The following HAVCR2 variants were observed in gnomAD, a reference collection of about 807,000 sequenced individuals.
HAVCR2 encodes the protein T cell immunoglobulin mucin 3.
In HAVCR2, 13 loss-of-function variants were observed where a neutral mutation model predicts 24.7. That is an observed-to-expected ratio of 0.53 (90% confidence interval 0.34 to 0.84). HAVCR2 has a LOEUF of 0.84. Ranked by LOEUF, HAVCR2 falls within the 40% of genes least tolerant of loss-of-function variation. HAVCR2 has a pLI of 0.01. For missense variants in HAVCR2, 343 were observed against 371.2 expected (o/e 0.92, Z 0.62); for synonymous variants, 154 against 143.4 (o/e 1.07, Z -0.53).
rs144440424 is a variant in HAVCR2 at position 157,102,982 on chromosome 5, T to A, written c.478+1684A>T. ...AAAACTAAAGGAAAGAAGACTTCTG[T>A]CTGTGGTAGAGACAAGTATAAGGAA... On this transcript the variant is annotated intron_variant, in intron 3 of 6. Coordinates refer to ENST00000307851, the MANE Select transcript of HAVCR2 (RefSeq NM_032782.5). Among the ~76,000 whole-genome samples the A allele has an allele frequency of 2.0e-5, 3 of 149,758 alleles. No individual in the cohort carries two copies. In the East Asian group the frequency reaches 5.9e-4, roughly 30 times the overall value.
Position 157,093,112 on chromosome 5 carries a change from C to CATATAT in HAVCR2, c.676+2188_676+2193dup, listed in dbSNP as rs138674966. ...ATATATATGTGTATACATATATATACATATATATATATTCATGTGATCAAT... is the reference window on the plus strand; with the variant it reads ...ATATATATGTGTATACATATATATACATATATATATATATATATTCATGTGATCAAT... On this transcript the variant is annotated intron_variant, in intron 5 of 6. Coordinates refer to ENST00000307851, the MANE Select transcript of HAVCR2 (RefSeq NM_032782.5). 4.8e-3 allele frequency among the ~76,000 whole-genome samples: 669 copies of CATATAT among 139,808 alleles called. 1 individual carries two copies. Among genetic ancestry groups the CATATAT allele is most frequent in the Non-Finnish European group, 7.3e-3 (490 of 67,206 alleles). The allele number at this position is 139,808 out of a possible 152,430, so 91.7% of individuals were successfully genotyped here. A position where few individuals can be genotyped will look rare whatever the true frequency, so the allele number is the denominator to read the frequency against.
In HAVCR2 at chr5:157,106,724, AT is replaced by A; in HGVS notation, c.296del (p.Asn99MetfsTer2). 1.2e-6 allele frequency: 2 copies of A among 1,614,212 alleles called. No homozygotes were observed. The highest frequency in any genetic ancestry group is 1.7e-6 in the Non-Finnish European group (2 of 1,180,044). On this transcript the variant is annotated frameshift_variant, in exon 2 of 7. Coordinates refer to ENST00000307851, the MANE Select transcript of HAVCR2 (RefSeq NM_032782.5). LOFTEE classifies it high-confidence loss of function. ...AGATCCCACTGTCTGCTAGAGTCAC[AT>A]TCTCTATGGTCAGGGACACATCTCC... is the stretch of plus-strand genomic sequence containing the variant. Reference protein sequence around the residue: ...RKGDVSLTIENVTLADSGIYC... With the variant: ...RKGDVSLTIEXVTLADSGIYC...
chr5:157,096,963 CATAT>C (rs770975000), intron 4 of HAVCR2, among the ~76,000 whole-genome samples: 45 of 111,596 alleles, frequency 4.0e-4, no homozygotes, highest in Admixed American at 2.5e-3. Context: ...CACACACACA[CATAT>C]AATTATAAGC....
chr5:157,088,665 G>A (rs1756950526), intron 6 of HAVCR2, among the ~76,000 whole-genome samples: 2 of 152,100 alleles, frequency 1.3e-5, no homozygotes, highest in African/African-American at 4.8e-5. Context: ...TCAGTTCAGT[G>A]GAAAAACCAT....
intron 1 of HAVCR2, among the ~76,000 whole-genome samples, chr5:157,107,509 T>G (rs1355140545): frequency 6.6e-6 from 1 of 152,240 alleles, no homozygotes; most frequent in Non-Finnish European, 1.5e-5. Flanking sequence ...CTTGTGTATT[T>G]GAAACTACTC....
At chr5:157,100,497 A>T (rs1223160970) in intron 3 of HAVCR2, among the ~76,000 whole-genome samples, 1 of 152,232 alleles carries the variant, frequency 6.6e-6, no homozygotes, top group Non-Finnish European at 1.5e-5. Context: ...GGGACAGAGC[A>T]GGAAACAAGA....
chr5:157,092,913 A>AAAAAAAAAAAAAAAAAAAAAAAAAAT (rs1561619880), intron 5 of HAVCR2, among the ~76,000 whole-genome samples: 2 of 123,028 alleles, frequency 1.6e-5, no homozygotes, highest in African/African-American at 6.2e-5. Flanking sequence ...AAAAAAAAAA[A>AAAAAAAAAAAAAAAAAAAAAAAAAAT]AAAAACTAGC....
intron 2 of HAVCR2, chr5:157,106,369 A>G (rs1757251939): frequency 2.2e-6 from 1 of 454,232 alleles, no homozygotes; most frequent in East Asian, 4.0e-5. Context: ...TGACCTCATG[A>G]TCCACCGGCC....
At chr5:157,101,771 ATT>A (rs397797524) in intron 3 of HAVCR2, among the ~76,000 whole-genome samples, 7 of 125,104 alleles carry the variant, frequency 5.6e-5, no homozygotes, top group Non-Finnish European at 8.7e-5. Flanking sequence ...GCTCTACTCC[ATT>A]TTTTTTTTTT....
chr5:157,103,328 G>A (rs905720348), intron 3 of HAVCR2, among the ~76,000 whole-genome samples: 2 of 150,988 alleles, frequency 1.3e-5, no homozygotes, highest in East Asian at 2.0e-4. Context: ...CCGAGATTGC[G>A]CCACTGCACT....
At position 157,087,159 on chromosome 5, in the gene HAVCR2, A is replaced by G. The variant is rs1175668367; in HGVS notation, c.849T>C (p.Tyr283=). Residue 283 remains tyrosine, a synonymous_variant, in exon 7 of 7, where the codon TAT becomes TAC. Transcript: ENST00000307851. ...EVEEPNEYYC[Y]VSSRQQPSQP... ...GTGAGGGTTGCTGCCTGCTGCTGAC[A>G]TAGCAATAATACTCATTGGGCTCCT... is the stretch of plus-strand genomic sequence containing the variant. The G allele has an allele frequency of 6.2e-7, 1 of 1,614,162 alleles. No homozygotes were observed. The highest frequency in any genetic ancestry group is 1.1e-5 in the South Asian group (1 of 91,074).
chr5:157,088,565 G>A (rs1168484830), intron 6 of HAVCR2, among the ~76,000 whole-genome samples: 3 of 152,224 alleles, frequency 2.0e-5, no homozygotes, highest in Admixed American at 6.5e-5. Flanking sequence ...CAGAAATGCT[G>A]AGAACAGATA....
intron 3 of HAVCR2, among the ~76,000 whole-genome samples, chr5:157,103,243 C>T (rs1053767412): frequency 2.1e-4 from 32 of 151,726 alleles, no homozygotes; most frequent in Non-Finnish European, 2.9e-5. Context: ...TGATGGTGGG[C>T]GCCTGTAGTC....
In HAVCR2 at chr5:157,098,897, C is replaced by G. The variant is rs1386221986; in HGVS notation, c.483G>C (p.Glu161Asp). ...MLTTRGHGPA[E>D]TQTLGSLPDI... ...CAGGGAGGCTCCCCAGTGTCTGTGT[C>G]TCTGCTATAAAAAGAGAGAGAGAGA... Residue 161 changes from glutamate to aspartate, a missense_variant, in exon 4 of 7, where the codon GAG becomes GAC. Physicochemically the swap from Glu to Asp is conservative, Grantham distance 45. Coordinates refer to ENST00000307851, the MANE Select transcript of HAVCR2 (RefSeq NM_032782.5). 1 of 1,612,650 alleles carries G rather than the reference C, an allele frequency of 6.2e-7. No individual in the cohort carries two copies. Among genetic ancestry groups the G allele is most frequent in the Non-Finnish European group, 8.5e-7 (1 of 1,179,144 alleles).
chr5:157,104,545 G>T, intron 3 of HAVCR2, 121 bp downstream of exon 3: 1 of 631,556 alleles, frequency 1.6e-6, no homozygotes, highest in South Asian at 2.1e-5. Flanking sequence ...ACTATTTCAG[G>T]TGCACGGAGA....
intron 5 of HAVCR2, among the ~76,000 whole-genome samples, chr5:157,090,461 G>T (rs1469277703): frequency 1.3e-5 from 2 of 152,092 alleles, no homozygotes; most frequent in Non-Finnish European, 2.9e-5. Flanking sequence ...CAGGTATGCT[G>T]GCACATGCCC....
Position 157,093,828 on chromosome 5 carries a change from C to T in HAVCR2, c.676+1478G>A, listed in dbSNP as rs570630809. On this transcript the variant is annotated intron_variant, in intron 5 of 6. Transcript: ENST00000307851. ...GGCGTGGTGGTACATGCCTGTAGTC[C>T]CAGCTACTCTGGAAGCTGAGTCAGG... Among the ~76,000 whole-genome samples, 13 of 152,056 alleles carry T rather than the reference C, an allele frequency of 8.5e-5. No individual in the cohort carries two copies. The South Asian group carries it at 1.5e-3, about 17-fold the overall frequency.
chr5:157,091,499 A>G (rs1756999883), intron 5 of HAVCR2, among the ~76,000 whole-genome samples: 1 of 152,092 alleles, frequency 6.6e-6, no homozygotes, highest in Admixed American at 6.5e-5. Flanking sequence ...TAGAAAACTG[A>G]AGGTCAGTGG....
intron 5 of HAVCR2, among the ~76,000 whole-genome samples, chr5:157,092,916 A>AAAAAAAAAAAAAC (rs1281211069): frequency 8.4e-6 from 1 of 118,866 alleles, no homozygotes; most frequent in Non-Finnish European, 1.7e-5. Flanking sequence ...AAAAAAAAAA[A>AAAAAAAAAAAAAC]AACTAGCCAG....
Sources: allele counts gnomAD v4.1 joint callset (sites outside exome capture counted in the v4.1 genomes callset), GRCh38; gene constraint gnomAD v4.1.1; transcripts MANE v1.5; gene names NCBI Gene and HGNC (gene_info 2026-07-23, HGNC 2026-07-21).